Variants in RYR3 observed in about 807,000 individuals in gnomAD.
RYR3 encodes brain ryanodine receptor-calcium release channel.
Under a neutral mutation model 584.3 loss-of-function variants are expected in RYR3, and 207 were observed. The ratio of observed to expected loss-of-function variants is 0.35; its 90% confidence interval spans 0.32 to 0.40. The LOEUF is 0.40. Ranked by LOEUF, RYR3 falls within the 10% of genes least tolerant of loss-of-function variation. RYR3 has a pLI of 1.00. For missense variants in RYR3, 5,616 were observed against 6,089.2 expected (o/e 0.92, Z 2.59); for synonymous variants, 2,416 against 2,248.5 (o/e 1.07, Z -2.11).
At chr15:33,474,960 A>G (rs1312170169) in intron 2 of RYR3, among the ~76,000 whole-genome samples, 1 of 152,214 alleles carries the variant, frequency 6.6e-6, no homozygotes, top group African/African-American at 2.4e-5. Flanking sequence ...AAGAGAGACA[A>G]GGAAAATTTT....
chr15:33,822,349 C>T (rs1303646373), intron 80 of RYR3, among the ~76,000 whole-genome samples: 3 of 152,152 alleles, frequency 2.0e-5, no homozygotes. Context: ...GGGTTATATC[C>T]CAGGGCCTGT....
chr15:33,432,546 T>G (rs1445490453), intron 1 of RYR3, among the ~76,000 whole-genome samples: 1 of 152,014 alleles, frequency 6.6e-6, no homozygotes, highest in Non-Finnish European at 1.5e-5. Flanking sequence ...TTTCCGAATT[T>G]TTGACCACAG....
rs572178326 is a variant in RYR3, at chr15:33,801,064, C to T, written c.9918+207C>T. On this transcript the variant is annotated intron_variant, in intron 68 of 103. Transcript: ENST00000634891. The stretch of plus-strand genomic sequence containing the variant: ...GGTTACAGCTTGACTTTATACACTT[C>T]AGTGGGACAGAAGTTACTGACAGAG... 5.9e-5 allele frequency among the ~76,000 whole-genome samples: 9 copies of T among 152,330 alleles called. No homozygotes were observed. In the South Asian group the frequency reaches 1.7e-3, roughly 28 times the overall value.
At chr15:33,612,618 C>T (rs1378174618) in intron 18 of RYR3, among the ~76,000 whole-genome samples, 7 of 152,226 alleles carry the variant, frequency 4.6e-5, no homozygotes, top group South Asian at 2.1e-4. Flanking sequence ...CCTCAGCCTC[C>T]GGAAGTGCTG....
At chr15:33,484,431 G>T (rs1805420245) in intron 2 of RYR3, among the ~76,000 whole-genome samples, 1 of 152,090 alleles carries the variant, frequency 6.6e-6, no homozygotes. Flanking sequence ...ACTAGAGAGG[G>T]AATTAAATTG....
At chr15:33,462,339 G>A (rs2676093) in intron 1 of RYR3, among the ~76,000 whole-genome samples, 55,822 of 152,012 alleles carry the variant, frequency 0.37, 12,447 homozygotes, top group African/African-American at 0.64. Flanking sequence ...CCTACATGCC[G>A]AGTATTTTAG....
intron 43 of RYR3, among the ~76,000 whole-genome samples, chr15:33,710,905 T>C (rs2067063315): frequency 6.6e-6 from 1 of 152,186 alleles, no homozygotes. Flanking sequence ...CACAAGTTAA[T>C]TCTTCCCTCC....
chr15:33,757,782 A>G, intron 60 of RYR3, 186 bp downstream of exon 60: 2 of 647,374 alleles, frequency 3.1e-6, no homozygotes, highest in South Asian at 3.9e-5. Flanking sequence ...CAATTGAGGT[A>G]TACTGTGTGG....
At chr15:33,532,874 T>A (rs117364389) in intron 4 of RYR3, among the ~76,000 whole-genome samples, 1 of 152,156 alleles carries the variant, frequency 6.6e-6, no homozygotes, top group African/African-American at 2.4e-5. Flanking sequence ...CCCAACACTT[T>A]GGGAGGCCAG....
chr15:33,463,366 G>A (rs1276240194), intron 1 of RYR3, among the ~76,000 whole-genome samples: 1 of 152,058 alleles, frequency 6.6e-6, no homozygotes, highest in Non-Finnish European at 1.5e-5. Context: ...GTGTGTGCAA[G>A]CTTTTGGGTG....
chr15:33,706,154 AACTTG>A (rs2066701090), intron 42 of RYR3, among the ~76,000 whole-genome samples: 2 of 152,294 alleles, frequency 1.3e-5, no homozygotes, highest in Admixed American at 1.3e-4. Flanking sequence ...AAAAAATAAA[AACTTG>A]AGCAGTTCTT....
chr15:33,479,894 A>G (rs2049804972), intron 2 of RYR3, among the ~76,000 whole-genome samples: 1 of 152,210 alleles, frequency 6.6e-6, no homozygotes. Flanking sequence ...GGAACTAGTA[A>G]AATGCAAATG....
chr15:33,532,429 A>G (rs1258182583), intron 4 of RYR3, among the ~76,000 whole-genome samples: 4 of 152,170 alleles, frequency 2.6e-5, no homozygotes, highest in Non-Finnish European at 2.9e-5. Context: ...CCTCCACACT[A>G]TCCAAAATCA....
Position 33,853,443 on chromosome 15 carries a change from T to C in RYR3, c.13672-112T>C, listed in dbSNP as rs796752494. The C allele has an allele frequency of 8.9e-6, 12 of 1,344,886 alleles. 1 individual carries two copies. The African/African-American group carries it at 1.7e-4, about 20-fold the overall frequency. 83.3% of individuals were successfully genotyped at this position (1,344,886 alleles called of 1,614,324 possible). A position where few individuals can be genotyped will look rare whatever the true frequency, so the allele number is the denominator to read the frequency against. ...TTCTGCATTTTGAACTATGTCTTCA[T>C]CTACCCCTTGGAAGATTGCCCATAG... On this transcript the variant is annotated intron_variant, in intron 95 of 103. Coordinates refer to ENST00000634891, the MANE Select transcript of RYR3 (RefSeq NM_001036.6).
intron 3 of RYR3, among the ~76,000 whole-genome samples, chr15:33,519,062 C>T (rs1413280136): frequency 6.6e-6 from 1 of 152,162 alleles, no homozygotes; most frequent in Non-Finnish European, 1.5e-5. Flanking sequence ...CTGCTTTGTG[C>T]TTTGCCATTA....
rs2061979668 is a variant in RYR3, at chr15:33,644,241, A to G, written c.3557-70A>G. ...AGTCAAAGCCCTTAAGGAAGCAAAG[A>G]TTCAGCTGCCTCGGAGTTTCCTGGG... On this transcript the variant is annotated intron_variant, in intron 27 of 103. Coordinates refer to ENST00000634891, the MANE Select transcript of RYR3 (RefSeq NM_001036.6). The G allele has an allele frequency of 9.7e-6, 12 of 1,239,964 alleles. No homozygotes were observed. The South Asian group carries it at 1.3e-4, about 14-fold the overall frequency. 76.8% of individuals were successfully genotyped at this position (1,239,964 alleles called of 1,614,324 possible). A position where few individuals can be genotyped will look rare whatever the true frequency, so the allele number is the denominator to read the frequency against.
intron 10 of RYR3, among the ~76,000 whole-genome samples, chr15:33,555,012 C>T (rs1279765858): frequency 6.6e-6 from 1 of 152,132 alleles, no homozygotes; most frequent in Non-Finnish European, 1.5e-5. Flanking sequence ...GATAGATTCT[C>T]GAATGTTGCC....
At chr15:33,465,481 C>CT (rs2048408322) in intron 1 of RYR3, among the ~76,000 whole-genome samples, 1 of 152,102 alleles carries the variant, frequency 6.6e-6, no homozygotes, top group African/African-American at 2.4e-5. Context: ...TACTTCATAG[C>CT]TTTTGCCTTT....
rs752579837 is a variant in RYR3, at chr15:33,857,903, G to A, written c.14131G>A (p.Asp4711Asn). The change falls in exon 99 of 104, where the codon GAC becomes AAC. Residue 4711 changes from aspartate to asparagine, a missense_variant. Asp to Asn is a conservative substitution (Grantham distance 23, BLOSUM62 1). Coordinates refer to ENST00000634891, the MANE Select transcript of RYR3 (RefSeq NM_001036.6). ...TGACGAGCCCGATATGAAGTGCGAC[G>A]ACATGATGACGGTGAGAGCCCACCC... ...DDDEPDMKCD[D>N]MMTCYLFHMY... 1.1e-5 allele frequency: 18 copies of A among 1,614,000 alleles called. No individual in the cohort carries two copies. The highest frequency in any genetic ancestry group is 2.2e-5 in the South Asian group (2 of 91,078).
Sources: allele counts gnomAD v4.1 joint callset (sites outside exome capture counted in the v4.1 genomes callset), GRCh38; gene constraint gnomAD v4.1.1; transcripts MANE v1.5; gene names NCBI Gene and HGNC (gene_info 2026-07-23, HGNC 2026-07-21).